The following CYP19A1 variants were observed in gnomAD, a reference collection of about 807,000 sequenced individuals.
The protein encoded by CYP19A1 is aromatase.
CYP19A1 carries 32 observed loss-of-function variants against 44.4 expected under a neutral mutation model. The observed-to-expected ratio is 0.72, with a 90% CI of 0.54 to 0.97. The LOEUF (loss-of-function observed/expected upper bound fraction) is 0.97. CYP19A1 is among the 50% of genes least tolerant of loss of function. The pLI is 0.00. For synonymous variants in CYP19A1, 212 were observed against 215.6 expected (o/e 0.98, Z 0.14); for missense variants, 598 against 637.8 (o/e 0.94, Z 0.67).
intron 1 of CYP19A1, among the ~76,000 whole-genome samples, chr15:51,284,707 AAAC>A (rs1185658891): frequency 6.6e-6 from 1 of 152,252 alleles, no homozygotes; most frequent in South Asian, 2.1e-4. Context: ...AACTGCAGTG[AAAC>A]AACACCTAAC....
At position 51,283,035 on chromosome 15, in the gene CYP19A1, G is replaced by A. The variant is rs140518975; in HGVS notation, c.-38-40085C>T. On this transcript the variant is annotated intron_variant, in intron 1 of 9. Coordinates refer to ENST00000396402, the MANE Select transcript of CYP19A1 (RefSeq NM_000103.4). ...TAATTGGCAGAGATTTTAAAAAGGC[G>A]TATAAAGATGGAGCAAAAATTCCAG... 8.5e-4 allele frequency among the ~76,000 whole-genome samples: 130 copies of A among 152,276 alleles called. 1 individual carries two copies. The highest frequency in any genetic ancestry group is 3.0e-3 in the African/African-American group (125 of 41,552).
At chr15:51,320,212 C>T (rs1192502821) in intron 1 of CYP19A1, 6 of 152,226 alleles carry the variant, frequency 3.9e-5, no homozygotes, top group Admixed American at 2.0e-4. Flanking sequence ...GTGAGCATCA[C>T]ATTGTATAGT....
At chr15:51,261,693 C>T (rs952153972) in intron 1 of CYP19A1, among the ~76,000 whole-genome samples, 3 of 152,126 alleles carry the variant, frequency 2.0e-5, no homozygotes, top group African/African-American at 7.2e-5. Flanking sequence ...GTAAAGAGAA[C>T]AGAAAGAGTT....
At chr15:51,287,712 A>G (rs1384223414) in intron 1 of CYP19A1, among the ~76,000 whole-genome samples, 1 of 152,090 alleles carries the variant, frequency 6.6e-6, no homozygotes, top group Admixed American at 6.5e-5. Flanking sequence ...TAATTATTCA[A>G]CTGAGTCCTG....
At chr15:51,262,818 A>T (rs2034779807) in intron 1 of CYP19A1, among the ~76,000 whole-genome samples, 1 of 152,170 alleles carries the variant, frequency 6.6e-6, no homozygotes, top group Non-Finnish European at 1.5e-5. Flanking sequence ...GCATGAACCC[A>T]TTGGGTAGGA....
intron 3 of CYP19A1, among the ~76,000 whole-genome samples, chr15:51,230,640 A>G (rs537461715): frequency 1.7e-3 from 227 of 134,564 alleles, no homozygotes; most frequent in Non-Finnish European, 3.2e-3. Context: ...TTTTTTTGAG[A>G]CAGAGTCTCA....
At position 51,337,423 on chromosome 15, in the gene CYP19A1, T is replaced by A. The variant is rs1011934195; in HGVS notation, c.-39+1072A>T. The stretch of plus-strand genomic sequence containing the variant: ...ATACAAGTGCTTTACAAGTATTTTC[T>A]TATTAAAGCTTCACAACCCTATGAA... On this transcript the variant is annotated intron_variant, in intron 1 of 9. Transcript: ENST00000396402. 2.0e-5 allele frequency among the ~76,000 whole-genome samples: 3 copies of A among 152,374 alleles called. No individual in the cohort carries two copies. The East Asian group carries it at 5.8e-4, about 29-fold the overall frequency.
chr15:51,324,851 G>A (rs903926803), intron 1 of CYP19A1, among the ~76,000 whole-genome samples: 2 of 152,154 alleles, frequency 1.3e-5, no homozygotes, highest in Non-Finnish European at 1.5e-5. Flanking sequence ...GTGATTTTAT[G>A]TTGGGAAAAC....
chr15:51,251,521 G>GC (rs2034309856), intron 1 of CYP19A1, among the ~76,000 whole-genome samples: 2 of 152,326 alleles, frequency 1.3e-5, no homozygotes, highest in South Asian at 4.1e-4. Context: ...TTTCTATCTA[G>GC]CTCCCGGGGG....
chr15:51,308,411 G>T (rs2036252817), intron 1 of CYP19A1, among the ~76,000 whole-genome samples: 1 of 152,070 alleles, frequency 6.6e-6, no homozygotes, highest in Non-Finnish European at 1.5e-5. Context: ...TTCATAGTTA[G>T]TTTCTGCATC....
At chr15:51,280,989 G>T (rs2035499535) in intron 1 of CYP19A1, among the ~76,000 whole-genome samples, 1 of 152,186 alleles carries the variant, frequency 6.6e-6, no homozygotes, top group African/African-American at 2.4e-5. Context: ...GACTGCCACT[G>T]CAGGCCCAGG....
chr15:51,240,158 G>C (rs1279660633), intron 2 of CYP19A1, among the ~76,000 whole-genome samples: 1 of 148,130 alleles, frequency 6.8e-6, no homozygotes, highest in Non-Finnish European at 1.5e-5. Flanking sequence ...GTGTTTCCTT[G>C]ACTGTCTTTA....
chr15:51,280,315 G>T (rs1042002753), intron 1 of CYP19A1, among the ~76,000 whole-genome samples: 1 of 151,590 alleles, frequency 6.6e-6, no homozygotes, highest in Non-Finnish European at 1.5e-5. Flanking sequence ...AGCCAGGATG[G>T]TCTTGATCTC....
chr15:51,325,484 C>G (rs1216084275), intron 1 of CYP19A1, among the ~76,000 whole-genome samples: 1 of 152,160 alleles, frequency 6.6e-6, no homozygotes, highest in Non-Finnish European at 1.5e-5. Flanking sequence ...AGTACAGATG[C>G]TCCTCAACTT....
chr15:51,243,927 G>A (rs1480025489), intron 1 of CYP19A1, among the ~76,000 whole-genome samples: 1 of 152,222 alleles, frequency 6.6e-6, no homozygotes. Flanking sequence ...AAGAGGTGTA[G>A]GTTGAACAAA....
chr15:51,222,569 G>A lies in CYP19A1; in HGVS notation c.452-44C>T, dbSNP rs2032206915. 5 of 1,526,530 alleles carry A rather than the reference G, an allele frequency of 3.3e-6. No homozygotes were observed. In the South Asian group the frequency reaches 5.7e-5, roughly 17 times the overall value. The allele number at this position is 1,526,530 out of a possible 1,614,324, so 94.6% of individuals were successfully genotyped here. ...AGAATCAGCCATCACGAACTCCAGG[G>A]CACACACACAATCATGCCATTTTGG... On this transcript the variant is annotated intron_variant, in intron 4 of 9. Coordinates refer to ENST00000396402, the MANE Select transcript of CYP19A1 (RefSeq NM_000103.4).
chr15:51,218,790 CCAT>C, intron 5 of CYP19A1, 135 bp from the exon 6 acceptor site: 1 of 1,482,766 alleles, frequency 6.7e-7, no homozygotes, highest in East Asian at 2.5e-5. Context: ...CAGCAAGATT[CCAT>C]CTTCAGTAGG....
At chr15:51,282,450 A>G (rs148575419) in intron 1 of CYP19A1, among the ~76,000 whole-genome samples, 11 of 152,340 alleles carry the variant, frequency 7.2e-5, no homozygotes, top group South Asian at 6.2e-4. Flanking sequence ...AGGAAATGCT[A>G]AACTATCACA....
At chr15:51,219,534 G>A (rs1192821132) in intron 5 of CYP19A1, among the ~76,000 whole-genome samples, 1 of 152,232 alleles carries the variant, frequency 6.6e-6, no homozygotes, top group African/African-American at 2.4e-5. Context: ...AAATTCGGAA[G>A]CTTGCCCAAA....
Sources: gnomAD v4.1 joint callset for allele counts (sites outside exome capture counted in the v4.1 genomes callset) on GRCh38, gnomAD v4.1.1 for gene constraint, MANE v1.5 for transcripts, NCBI Gene and HGNC (gene_info 2026-07-23, HGNC 2026-07-21) for gene names.